Variants in PCDHA2 observed in about 807,000 individuals in gnomAD.
PCDHA2 encodes protocadherin alpha-2.
In PCDHA2, 58 loss-of-function variants were observed where a neutral mutation model predicts 66.0. The observed-to-expected ratio is 0.88, with a 90% CI of 0.71 to 1.09. PCDHA2 has a LOEUF of 1.09. Among genes scored for constraint, PCDHA2 ranks in the 50% least tolerant of loss-of-function variants. The pLI is 0.00. For missense variants in PCDHA2, 1,267 were observed against 1,242.3 expected (o/e 1.02, Z -0.30); for synonymous variants, 634 against 554.0 (o/e 1.14, Z -2.03).
intron 1 of PCDHA2, among the ~76,000 whole-genome samples, chr5:140,846,743 T>C (rs1359038647): frequency 1.3e-5 from 2 of 149,312 alleles, no homozygotes; most frequent in Admixed American, 6.7e-5. Context: ...ATAGGACCCT[T>C]ACAGATCTCT....
chr5:140,978,794 T>A, intron 1 of PCDHA2, 155 bp from the exon 2 acceptor site: 1 of 978,746 alleles, frequency 1.0e-6, no homozygotes, highest in Non-Finnish European at 1.2e-6. Flanking sequence ...GTGCTATATA[T>A]GTAGATATCA....
At chr5:140,967,958 CG>C in intron 1 of PCDHA2, 1 of 1,614,182 alleles carries the variant, frequency 6.2e-7, no homozygotes, top group Non-Finnish European at 8.5e-7. Flanking sequence ...AGGCCCCAAC[CG>C]GAAAGTGAGC....
chr5:140,911,420 C>T (rs1411930717), intron 1 of PCDHA2, among the ~76,000 whole-genome samples: 1 of 152,134 alleles, frequency 6.6e-6, no homozygotes, highest in Non-Finnish European at 1.5e-5. Context: ...ATGATAAGAA[C>T]TTGTGTCCAA....
rs116104145 is a variant in PCDHA2, at chr5:140,901,150, A to G, written c.2389-77799A>G. Among the ~76,000 whole-genome samples, 839 of 152,012 alleles carry G rather than the reference A, an allele frequency of 5.5e-3. 12 individuals carry two copies. Among genetic ancestry groups the G allele is most frequent in the African/African-American group, 0.019 (783 of 41,484 alleles). On this transcript the variant is annotated intron_variant, in intron 1 of 3. Transcript: ENST00000526136. ...GGTAGATTGTAAATATTTTCTCTCA[A>G]TCTGTGGGTTGTCTCTTCACTTTGT...
At chr5:140,907,100 C>T (rs1447787481) in intron 1 of PCDHA2, among the ~76,000 whole-genome samples, 2 of 152,098 alleles carry the variant, frequency 1.3e-5, no homozygotes, top group African/African-American at 4.8e-5. Flanking sequence ...GTGCCACTTC[C>T]ACTTCCACCC....
intron 1 of PCDHA2, among the ~76,000 whole-genome samples, chr5:140,915,425 A>T (rs2077115235): frequency 6.6e-6 from 1 of 152,056 alleles, no homozygotes; most frequent in African/African-American, 2.4e-5. Flanking sequence ...GGGCTTGTTT[A>T]TCCCTGTCCT....
In PCDHA2 at chr5:140,870,728, C is replaced by A. The variant is rs531202250; in HGVS notation, c.2388+73376C>A. On this transcript the variant is annotated intron_variant, in intron 1 of 3. Coordinates refer to ENST00000526136, the MANE Select transcript of PCDHA2 (RefSeq NM_018905.3). ...GTGAGCGCGCGCGATGCGGGCGTGCCGCCTCTGAGCAGCAACGTGACGCTG... is the reference window on the plus strand; with the variant it reads ...GTGAGCGCGCGCGATGCGGGCGTGCAGCCTCTGAGCAGCAACGTGACGCTG... The A allele has an allele frequency of 5.8e-5, 93 of 1,613,338 alleles. No individual in the cohort carries two copies. Among genetic ancestry groups the A allele is most frequent in the East Asian group, 1.1e-4 (5 of 44,876 alleles).
intron 1 of PCDHA2, chr5:140,809,622 C>T: frequency 6.6e-7 from 1 of 1,509,540 alleles, no homozygotes; most frequent in Non-Finnish European, 8.9e-7. Context: ...TTTTCTCTAT[C>T]AACTTCTTCG....
intron 3 of PCDHA2, among the ~76,000 whole-genome samples, chr5:141,000,417 A>AT (rs1563652061): frequency 7.5e-4 from 58 of 77,708 alleles, no homozygotes; most frequent in African/African-American, 1.3e-3. Context: ...ATATATATAT[A>AT]TATATTTTTT....
intron 1 of PCDHA2, chr5:140,802,305 G>T (rs1290587407): frequency 8.7e-6 from 14 of 1,614,200 alleles, no homozygotes; most frequent in African/African-American, 1.3e-5. Context: ...CACAGTCATC[G>T]CTCTGATCAG....
intron 1 of PCDHA2, chr5:140,863,562 G>T: frequency 5.3e-6 from 2 of 376,150 alleles, no homozygotes; most frequent in South Asian, 4.2e-5. Flanking sequence ...AAATTTTTGA[G>T]AATATAAGTA....
At position 140,842,418 on chromosome 5, in the gene PCDHA2, G is replaced by A. The variant is rs2150335492; in HGVS notation, c.2388+45066G>A. The A allele has an allele frequency of 1.9e-5, 31 of 1,613,276 alleles. No individual in the cohort carries two copies. In the South Asian group the frequency reaches 2.9e-4, roughly 15 times the overall value. On this transcript the variant is annotated intron_variant, in intron 1 of 3. Coordinates refer to ENST00000526136, the MANE Select transcript of PCDHA2 (RefSeq NM_018905.3). ...CCTGTACGTGAAGACGCTCAATTTG[G>A]TACTGTCATCGCCCTAATTAGCGTG...
At chr5:140,926,483 A>C (rs1261469017) in intron 1 of PCDHA2, 4 of 168,788 alleles carry the variant, frequency 2.4e-5, no homozygotes, top group East Asian at 1.7e-4. Flanking sequence ...TAAGGAGAGA[A>C]GTGTTAGTGT....
intron 1 of PCDHA2, chr5:140,801,741 G>T: frequency 6.2e-7 from 1 of 1,613,948 alleles, no homozygotes; most frequent in South Asian, 1.1e-5. Context: ...TACCTTGGAC[G>T]TTAAAAGAAA....
Position 140,841,742 on chromosome 5 carries a change from T to G in PCDHA2, c.2388+44390T>G, listed in dbSNP as rs2150322045. On this transcript the variant is annotated intron_variant, in intron 1 of 3. Transcript: ENST00000526136. ...GTTCCGGGTAAAAGACCAAAAGCTG[T>G]TTGTTTCAGAATCCAGAATGCCAGA... 8 of 1,613,830 alleles carry G rather than the reference T, an allele frequency of 5.0e-6. 1 individual carries two copies. In the South Asian group the frequency reaches 8.8e-5, roughly 18 times the overall value.
intron 3 of PCDHA2, among the ~76,000 whole-genome samples, chr5:140,991,358 A>G (rs1417256360): frequency 6.6e-6 from 1 of 152,234 alleles, no homozygotes; most frequent in African/African-American, 2.4e-5. Context: ...AAGACTATTT[A>G]CTGTCTGAGT....
Position 140,795,193 on chromosome 5 carries a change from G to C in PCDHA2, c.229G>C (p.Val77Leu). The C allele has an allele frequency of 6.2e-7, 1 of 1,614,180 alleles. No homozygotes were observed. ...ASKRHGDLLE[V>L]NLQNGILFVN... is the part of the protein sequence containing the mutation. ...CAAAAGACACGGGGACCTTCTGGAGGTAAATCTGCAGAATGGCATTTTGTT... is the reference window on the plus strand; with the variant it reads ...CAAAAGACACGGGGACCTTCTGGAGCTAAATCTGCAGAATGGCATTTTGTT... The change falls in exon 1 of 4, where the codon GTA becomes CTA. Residue 77 changes from valine to leucine, a missense_variant. Coordinates refer to ENST00000526136, the MANE Select transcript of PCDHA2 (RefSeq NM_018905.3).
chr5:140,832,984 G>C (rs1373514352), intron 1 of PCDHA2, among the ~76,000 whole-genome samples: 1 of 152,156 alleles, frequency 6.6e-6, no homozygotes, highest in Non-Finnish European at 1.5e-5. Context: ...CTAGAAATGA[G>C]GAATAGTCCA....
At chr5:140,909,312 A>AT (rs1365428416) in intron 1 of PCDHA2, among the ~76,000 whole-genome samples, 1 of 152,244 alleles carries the variant, frequency 6.6e-6, no homozygotes, top group Non-Finnish European at 1.5e-5. Context: ...AGAAAAAGGC[A>AT]TTTGCCAAAT....
Sources: allele counts gnomAD v4.1 joint callset (sites outside exome capture counted in the v4.1 genomes callset), GRCh38; gene constraint gnomAD v4.1.1; transcripts MANE v1.5; gene names NCBI Gene and HGNC (gene_info 2026-07-23, HGNC 2026-07-21).